Variants in EPS15L1 observed in about 807,000 individuals in gnomAD.
EPS15L1 encodes the protein epidermal growth factor receptor substrate 15-like 1.
A neutral mutation model predicts 117.1 loss-of-function variants in EPS15L1; 43 were observed. The ratio of observed to expected loss-of-function variants is 0.37; its 90% CI spans 0.29 to 0.47. EPS15L1 has a LOEUF of 0.47. EPS15L1 is among the 20% of genes least tolerant of loss of function. The probability of loss-of-function intolerance (pLI) is 0.99; values close to 1 mark genes in which losing one functional copy is unlikely to be tolerated. For synonymous variants in EPS15L1, 459 were observed against 470.5 expected, an observed-to-expected ratio of 0.98 and a Z score of 0.32; for missense variants, 981 against 1,164.0, an observed-to-expected ratio of 0.84 and a Z score of 2.29.
In EPS15L1 at chr19:16,370,435, C is replaced by T. The variant is rs1204552264; in HGVS notation, c.2380+6687G>A. On this transcript the variant is annotated intron_variant, in intron 22 of 23. Coordinates refer to ENST00000455140, the MANE Select transcript of EPS15L1 (RefSeq NM_001258374.3). The surrounding 1 kb of genome is among the most constrained non-coding windows in gnomAD (Gnocchi z 5.2). ...GGTTGAGGTGTCCTGGAGGCAGGTACACCCGATGTCCCCAGGGCGATGGCT... is the reference window on the plus strand; with the variant it reads ...GGTTGAGGTGTCCTGGAGGCAGGTATACCCGATGTCCCCAGGGCGATGGCT... 2.6e-5 allele frequency among the ~76,000 whole-genome samples: 4 copies of T among 152,078 alleles called. No homozygotes were observed. The highest frequency in any genetic ancestry group is 9.7e-5 in the African/African-American group (4 of 41,386).
intron 4 of EPS15L1, among the ~76,000 whole-genome samples, chr19:16,440,033 A>C (rs890033628): frequency 7.8e-5 from 11 of 141,708 alleles, no homozygotes; most frequent in African/African-American, 2.7e-4. Flanking sequence ...ATGTCACTGC[A>C]CTCCAGCCTG....
chr19:16,369,058 G>A (rs1033750611), intron 22 of EPS15L1, among the ~76,000 whole-genome samples: 1 of 152,194 alleles, frequency 6.6e-6, no homozygotes, highest in African/African-American at 2.4e-5. Flanking sequence ...ATCACTGCTC[G>A]GGGACTTGTC....
At chr19:16,367,984 AGTGTGT>A (rs996285583) in intron 22 of EPS15L1, among the ~76,000 whole-genome samples, 1 of 151,292 alleles carries the variant, frequency 6.6e-6, no homozygotes, top group East Asian at 1.9e-4. Context: ...AGAGAGAGAG[AGTGTGT>A]GTGTGTGTGT....
chr19:16,437,653 T>C (rs2092991222), intron 5 of EPS15L1, 117 bp downstream of exon 5: 5 of 735,474 alleles, frequency 6.8e-6, no homozygotes, highest in Non-Finnish European at 7.0e-6. Context: ...TTCACCACAA[T>C]AAAAGGGGAA....
intron 13 of EPS15L1, among the ~76,000 whole-genome samples, chr19:16,411,842 G>T (rs997816544): frequency 6.6e-6 from 1 of 152,110 alleles, no homozygotes; most frequent in African/African-American, 2.4e-5. Flanking sequence ...TGGGACTACA[G>T]ACACATGCCA....
chr19:16,442,959 C>T (rs967036330), intron 1 of EPS15L1, among the ~76,000 whole-genome samples: 1 of 152,224 alleles, frequency 6.6e-6, no homozygotes, highest in South Asian at 2.1e-4. Context: ...CCAGACACTT[C>T]CCGCTGTGTC....
intron 4 of EPS15L1, among the ~76,000 whole-genome samples, chr19:16,439,058 A>G (rs898169912): frequency 1.3e-5 from 2 of 149,828 alleles, no homozygotes; most frequent in South Asian, 2.1e-4. Context: ...GGGATCACTT[A>G]GCTTGTTTTT....
rs746221595 is a variant in EPS15L1 at position 16,361,893 on chromosome 19, C to T, written c.2472G>A (p.Pro824=). ...CCCCAAACCCCTTTTTACTTTGGAA[C>T]GGGTCGCCGCTGTCAGCCCCGAGTG... ...FQPLGADSGD[P]FQSKKGFGDP... Residue 824 remains proline (P), a synonymous_variant, in exon 23 of 24, where the codon CCG becomes CCA. Coordinates refer to ENST00000455140, the MANE Select transcript of EPS15L1 (RefSeq NM_001258374.3). The T allele has an allele frequency of 2.5e-6, 4 of 1,613,872 alleles. No homozygotes were observed. The highest frequency in any genetic ancestry group is 1.7e-5 in the Admixed American group (1 of 59,988).
intron 5 of EPS15L1, among the ~76,000 whole-genome samples, chr19:16,437,509 G>GTGGA (rs1304346220): frequency 1.3e-5 from 2 of 152,220 alleles, no homozygotes; most frequent in Non-Finnish European, 2.9e-5. Flanking sequence ...ATTACTTAAT[G>GTGGA]TGGATGGGGT....
intron 1 of EPS15L1, among the ~76,000 whole-genome samples, chr19:16,455,144 A>G (rs1228530891): frequency 1.3e-5 from 2 of 151,422 alleles, no homozygotes; most frequent in East Asian, 1.9e-4. Flanking sequence ...AAAAAAAGAG[A>G]GACAGCTCTG....
intron 1 of EPS15L1, among the ~76,000 whole-genome samples, chr19:16,446,084 T>A (rs920648405): frequency 2.0e-5 from 3 of 152,318 alleles, no homozygotes; most frequent in Admixed American, 6.5e-5. Flanking sequence ...ACAAGTGGGA[T>A]GACAGAGAGA....
chr19:16,403,093 T>G lies in EPS15L1; in HGVS notation c.1627-608A>C, dbSNP rs116487268. Among the ~76,000 whole-genome samples, 908 of 152,338 alleles carry G rather than the reference T, an allele frequency of 6.0e-3. 10 individuals carry two copies. Among genetic ancestry groups the G allele is most frequent in the African/African-American group, 0.021 (867 of 41,582 alleles). On this transcript the variant is annotated intron_variant, in intron 15 of 23. Transcript: ENST00000455140. ...GTTCAATTGGTAAAAGAAGTGTGCC[T>G]GGCCACTCCGACACAGGCGAGGGCC...
rs1599628790 is a variant in EPS15L1 at position 16,425,392 on chromosome 19, C to G, written c.559-76G>C. ...CCATCAGGAGAAGGCAGAGGGCAGC[C>G]CTTTGGGGGCTGCAGTGACAGGACA... On this transcript the variant is annotated intron_variant, in intron 8 of 23. Coordinates refer to ENST00000455140, the MANE Select transcript of EPS15L1 (RefSeq NM_001258374.3). 6.0e-6 allele frequency: 6 copies of G among 1,002,776 alleles called. No homozygotes were observed. In the East Asian group the frequency reaches 1.3e-4, roughly 22 times the overall value. The allele number at this position is 1,002,776 out of a possible 1,614,324, so 62.1% of individuals were successfully genotyped here. A position where few individuals can be genotyped will look rare whatever the true frequency, so the allele number is the denominator to read the frequency against.
chr19:16,442,046 C>G, intron 2 of EPS15L1, 65 bp from the exon 3 acceptor site: 1 of 1,496,928 alleles, frequency 6.7e-7, no homozygotes, highest in Non-Finnish European at 9.3e-7. Context: ...GAAGTGGCAC[C>G]CGCCACGCTA....
At chr19:16,390,958 G>A (rs1193302036) in intron 19 of EPS15L1, among the ~76,000 whole-genome samples, 2 of 152,194 alleles carry the variant, frequency 1.3e-5, no homozygotes, top group Non-Finnish European at 2.9e-5. Context: ...AGTTGAAAAT[G>A]TACGTAATAT....
chr19:16,355,930 G>T (rs2091973833), intron 23 of EPS15L1, 79 bp from the exon 24 acceptor site: 6 of 1,492,316 alleles, frequency 4.0e-6, no homozygotes, highest in Non-Finnish European at 4.5e-6. Flanking sequence ...GGGAATGCGT[G>T]GGAGGGGTCA....
intron 18 of EPS15L1, 142 bp downstream of exon 18, chr19:16,393,809 G>T: frequency 1.2e-6 from 1 of 844,678 alleles, no homozygotes; most frequent in Non-Finnish European, 2.0e-6. Flanking sequence ...CCGAGAATGG[G>T]TACAACATGG....
At chr19:16,451,881 T>A (rs1311073938) in intron 1 of EPS15L1, among the ~76,000 whole-genome samples, 1 of 147,744 alleles carries the variant, frequency 6.8e-6, no homozygotes, top group East Asian at 2.3e-4. Context: ...CTCACACCTG[T>A]AATCCTAGCA....
At chr19:16,421,502 TA>T in intron 9 of EPS15L1, 26 bp from the exon 10 acceptor site, 1 of 1,595,828 alleles carries the variant, frequency 6.3e-7, no homozygotes, top group African/African-American at 1.3e-5. Context: ...GCAAAACAGT[TA>T]ATCTGGAAGC....
Sources: allele counts gnomAD v4.1 joint callset (sites outside exome capture counted in the v4.1 genomes callset), GRCh38; gene constraint gnomAD v4.1.1; non-coding constraint Gnocchi (gnomAD v3.1); transcripts MANE v1.5; gene names NCBI Gene and HGNC (gene_info 2026-07-23, HGNC 2026-07-21).